The following MASP1 variants were observed in gnomAD, a reference collection of about 807,000 sequenced individuals.
MASP1 encodes the protein MBL associated serine protease 1, also known as mannan-binding lectin serine protease 1.
Under a neutral mutation model 77.1 loss-of-function variants are expected in MASP1, and 59 were observed. That is an observed-to-expected ratio of 0.77 (90% CI 0.62 to 0.95). MASP1 has a LOEUF of 0.95. Ranked by LOEUF, MASP1 falls within the 40% of genes least tolerant of loss-of-function variation. MASP1 has a pLI of 0.00. For missense variants in MASP1, 885 were observed against 912.9 expected, an observed-to-expected ratio of 0.97 and a Z score of 0.39; for synonymous variants, 362 against 354.5, an observed-to-expected ratio of 1.02 and a Z score of -0.24.
intron 1 of MASP1, among the ~76,000 whole-genome samples, chr3:187,290,820 C>T (rs1718259572): frequency 6.6e-6 from 1 of 150,874 alleles, no homozygotes; most frequent in African/African-American, 2.4e-5. Flanking sequence ...TAACACTTAA[C>T]TAATAAAAAT....
In MASP1 at chr3:187,234,862, T is replaced by A. The variant is rs1366507775; in HGVS notation, c.*822A>T. ...TCAAGGCTGAAAGATTGCTTTGTGC[T>A]TGTCTGGAGCAGCAGGTGTGGACGC... On this transcript the variant is annotated 3_prime_UTR_variant, in exon 11 of 11. Coordinates refer to ENST00000296280, the MANE Select transcript of MASP1 (RefSeq NM_139125.4). 1 of 1,287,144 alleles carries A rather than the reference T, an allele frequency of 7.8e-7. No individual in the cohort carries two copies. Among genetic ancestry groups the A allele is most frequent in the Non-Finnish European group, 1.0e-6 (1 of 988,716 alleles). 79.7% of individuals were successfully genotyped at this position (1,287,144 alleles called of 1,614,324 possible).
At chr3:187,258,700 C>T (rs1452747828) in intron 4 of MASP1, among the ~76,000 whole-genome samples, 9 of 152,216 alleles carry the variant, frequency 5.9e-5, no homozygotes, top group Non-Finnish European at 1.3e-4. Context: ...TTTAAGTTAA[C>T]AGTACCAATC....
At chr3:187,276,130 A>T (rs535276089) in intron 2 of MASP1, among the ~76,000 whole-genome samples, 1 of 59,964 alleles carries the variant, frequency 1.7e-5, no homozygotes, top group Non-Finnish European at 3.3e-5. Flanking sequence ...CCAACAAGAA[A>T]GCCACATGGC....
At chr3:187,283,535 A>C (rs992570974) in intron 2 of MASP1, among the ~76,000 whole-genome samples, 1 of 152,226 alleles carries the variant, frequency 6.6e-6, no homozygotes, top group African/African-American at 2.4e-5. Flanking sequence ...TATGAAGTTA[A>C]GAGTCAAATC....
chr3:187,229,824 G>C, downstream of MASP1: 1 of 1,614,160 alleles, frequency 6.2e-7, no homozygotes. Flanking sequence ...TCCAGGGAGT[G>C]GTGCCTTTCT....
At chr3:187,236,901 G>A (rs1280362053) in intron 10 of MASP1, among the ~76,000 whole-genome samples, 2 of 152,184 alleles carry the variant, frequency 1.3e-5, no homozygotes, top group Non-Finnish European at 2.9e-5. Context: ...ATTTCCAGTA[G>A]TGGTCACTTC....
At chr3:187,279,339 G>T (rs1717224629) in intron 2 of MASP1, among the ~76,000 whole-genome samples, 1 of 152,224 alleles carries the variant, frequency 6.6e-6, no homozygotes, top group Admixed American at 6.5e-5. Flanking sequence ...TCTTCCTGGT[G>T]TTGGCTGATT....
chr3:187,222,799 C>T (rs1305021674), intron 14 of MASP1, among the ~76,000 whole-genome samples: 2 of 151,814 alleles, frequency 1.3e-5, no homozygotes, highest in Non-Finnish European at 2.9e-5. Flanking sequence ...ATTTGGTGTA[C>T]AGTTCTCATG....
chr3:187,245,803 C>T (rs2108529118), intron 8 of MASP1, among the ~76,000 whole-genome samples: 1 of 152,322 alleles, frequency 6.6e-6, no homozygotes, highest in Non-Finnish European at 1.5e-5. Flanking sequence ...TTTCCCCTTG[C>T]CTTGGAGGTA....
At chr3:187,282,032 C>G (rs1717457015) in intron 2 of MASP1, among the ~76,000 whole-genome samples, 1 of 152,156 alleles carries the variant, frequency 6.6e-6, no homozygotes, top group Non-Finnish European at 1.5e-5. Flanking sequence ...CACCCACTCT[C>G]TGAACTCTGA....
chr3:187,226,230 G>A (rs1035564384), intron 12 of MASP1: 15 of 638,298 alleles, frequency 2.3e-5, no homozygotes, highest in Non-Finnish European at 3.7e-5. Flanking sequence ...TCATGGTCAC[G>A]TGTCTGGAGA....
chr3:187,240,911 C>T (rs529182424), intron 10 of MASP1, among the ~76,000 whole-genome samples: 173 of 152,328 alleles, frequency 1.1e-3, no homozygotes, highest in African/African-American at 3.9e-3. Context: ...GTTGAGATTA[C>T]AGGCATGAGC....
chr3:187,249,881 T>A (rs1474840659), intron 8 of MASP1, among the ~76,000 whole-genome samples: 1 of 152,222 alleles, frequency 6.6e-6, no homozygotes, highest in Non-Finnish European at 1.5e-5. Flanking sequence ...ATGTGAAGAC[T>A]AGCAAGGTCA....
Position 187,253,309 on chromosome 3 carries a change from C to A in MASP1, c.751G>T (p.Val251Phe), listed in dbSNP as rs1261821337. ...PCPYDYIKIK[V>F]GPKVLGPFCG... The stretch of plus-strand genomic sequence containing the variant: ...AAAGGCCCCAAAACTTTTGGACCAA[C>A]TTTGATCTGCAAAATATGAGAGAGA... The change falls in exon 6 of 11, where the codon GTT (valine) becomes TTT (phenylalanine). Residue 251 changes from valine to phenylalanine, a missense_variant. Transcript: ENST00000296280. 1 of 1,614,078 alleles carries A rather than the reference C, an allele frequency of 6.2e-7. No individual in the cohort carries two copies. Among genetic ancestry groups the A allele is most frequent in the Non-Finnish European group, 8.5e-7 (1 of 1,179,998 alleles).
intron 3 of MASP1, among the ~76,000 whole-genome samples, chr3:187,261,828 C>T (rs114597065): frequency 0.018 from 2,724 of 152,070 alleles, 85 homozygotes; most frequent in African/African-American, 0.063. Flanking sequence ...TCCAAGTAGC[C>T]GTCAATAAGA....
chr3:187,218,453 G>A (rs1486297197), exon 16 of MASP1: 1 of 152,584 alleles, frequency 6.6e-6, no homozygotes. Context: ...CTTGACAAGT[G>A]TCTGATGGAG....
chr3:187,263,678 G>A (rs545692456), intron 2 of MASP1, among the ~76,000 whole-genome samples: 18 of 152,238 alleles, frequency 1.2e-4, no homozygotes, highest in Admixed American at 1.0e-3. Flanking sequence ...GTGTATCTCT[G>A]TGTGTACATG....
intron 6 of MASP1, among the ~76,000 whole-genome samples, chr3:187,252,576 A>G (rs1434650371): frequency 6.6e-6 from 1 of 152,240 alleles, no homozygotes; most frequent in Admixed American, 6.5e-5. Context: ...TTTATGAACT[A>G]GATTAGTCAT....
intron 1 of MASP1, among the ~76,000 whole-genome samples, chr3:187,286,334 T>A (rs1180571633): frequency 6.6e-6 from 1 of 152,272 alleles, no homozygotes; most frequent in Non-Finnish European, 1.5e-5. Flanking sequence ...GACATTTCCA[T>A]TTTACTGTTG....
Sources: gnomAD v4.1 joint callset for allele counts (sites outside exome capture counted in the v4.1 genomes callset) on GRCh38, gnomAD v4.1.1 for gene constraint, MANE v1.5 for transcripts, NCBI Gene and HGNC (gene_info 2026-07-23, HGNC 2026-07-21) for gene names.